The following SLC25A26 variants were observed in gnomAD, a reference collection of about 807,000 sequenced individuals.
The protein encoded by SLC25A26 is mitochondrial S-adenosylmethionine carrier protein.
SLC25A26 carries 36 observed loss-of-function variants against 37.8 expected under a neutral mutation model. The ratio of observed to expected loss-of-function variants is 0.95; its 90% CI spans 0.73 to 1.26. SLC25A26 has a LOEUF of 1.26. SLC25A26 is among the 50% of genes most tolerant of loss of function. The pLI is 0.00. For synonymous variants in SLC25A26, 129 were observed against 122.5 expected (o/e 1.05, Z -0.35); for missense variants, 390 against 331.1 (o/e 1.18, Z -1.38).
chr3:66,285,008 A>G (rs1156564474), intron 5 of SLC25A26, among the ~76,000 whole-genome samples: 1 of 152,196 alleles, frequency 6.6e-6, no homozygotes, highest in East Asian at 1.9e-4. Context: ...AAATACCACA[A>G]TTAAGGATAG....
intron 5 of SLC25A26, among the ~76,000 whole-genome samples, chr3:66,283,260 A>G (rs2074405085): frequency 2.6e-5 from 4 of 152,104 alleles, no homozygotes; most frequent in Admixed American, 2.6e-4. Context: ...ATTTAGCTTT[A>G]TTAGAAACTG....
intron 9 of SLC25A26, among the ~76,000 whole-genome samples, chr3:66,375,127 A>C (rs1700572892): frequency 6.6e-6 from 1 of 152,232 alleles, no homozygotes. Context: ...ACCGGCCACA[A>C]CATCCCCTTA....
At chr3:66,301,729 A>T (rs957764292) in intron 5 of SLC25A26, among the ~76,000 whole-genome samples, 1 of 152,208 alleles carries the variant, frequency 6.6e-6, no homozygotes, top group Non-Finnish European at 1.5e-5. Flanking sequence ...AACACATTTT[A>T]TATGTAGTTA....
intron 7 of SLC25A26, among the ~76,000 whole-genome samples, chr3:66,369,082 G>T (rs1700201917): frequency 7.3e-6 from 1 of 137,842 alleles, no homozygotes; most frequent in Non-Finnish European, 1.5e-5. Context: ...GTGGCCTATA[G>T]AAAGTCATGA....
At chr3:66,171,770 G>A (rs1275189970) in intron 1 of SLC25A26, among the ~76,000 whole-genome samples, 14 of 152,264 alleles carry the variant, frequency 9.2e-5, no homozygotes, top group Admixed American at 4.6e-4. Context: ...GATTACAGGC[G>A]TGAGCCACTG....
chr3:66,370,073 A>G (rs900839086), intron 8 of SLC25A26, among the ~76,000 whole-genome samples: 2 of 152,244 alleles, frequency 1.3e-5, no homozygotes, highest in African/African-American at 2.4e-5. Context: ...AGAACAAATA[A>G]TGGGCCAAAT....
chr3:66,361,043 A>G (rs1306190419), intron 6 of SLC25A26, among the ~76,000 whole-genome samples: 2 of 152,252 alleles, frequency 1.3e-5, no homozygotes, highest in Admixed American at 6.5e-5. Context: ...TGATATCAAG[A>G]TAGGCCTATA....
intron 3 of SLC25A26, among the ~76,000 whole-genome samples, chr3:66,250,400 C>CT (rs2073036018): frequency 6.6e-6 from 1 of 152,226 alleles, no homozygotes; most frequent in South Asian, 2.1e-4. Context: ...CGGTCCGTGA[C>CT]TTACGATGGT....
chr3:66,193,557 C>T (rs1265103330), intron 1 of SLC25A26, among the ~76,000 whole-genome samples: 13 of 151,726 alleles, frequency 8.6e-5, no homozygotes, highest in Admixed American at 8.5e-4. Flanking sequence ...TGGCAGCTCA[C>T]AAATAAATAA....
intron 3 of SLC25A26, among the ~76,000 whole-genome samples, chr3:66,258,409 T>G (rs547740474): frequency 2.6e-5 from 4 of 152,282 alleles, no homozygotes; most frequent in African/African-American, 9.6e-5. Context: ...AGTTCTGGAC[T>G]AAAATTTGAA....
intron 9 of SLC25A26, among the ~76,000 whole-genome samples, 165 bp from the exon 10 acceptor site, chr3:66,377,525 C>T (rs1264709353): frequency 6.6e-6 from 1 of 151,898 alleles, no homozygotes; most frequent in Non-Finnish European, 1.5e-5. Flanking sequence ...TTTAGAACTA[C>T]TGTTGGGACA....
chr3:66,183,201 C>A (rs1173307376), intron 1 of SLC25A26, among the ~76,000 whole-genome samples: 1 of 151,944 alleles, frequency 6.6e-6, no homozygotes, highest in Admixed American at 6.6e-5. Flanking sequence ...TGACCCTGAC[C>A]CTGATTTTGA....
intron 6 of SLC25A26, among the ~76,000 whole-genome samples, chr3:66,360,936 G>A (rs1007493866): frequency 9.9e-5 from 15 of 152,176 alleles, no homozygotes; most frequent in Non-Finnish European, 1.5e-5. Context: ...AAAATATTTA[G>A]AATAGGTAGA....
At chr3:66,367,687 G>C (rs1215163632) in intron 7 of SLC25A26, among the ~76,000 whole-genome samples, 2 of 144,600 alleles carry the variant, frequency 1.4e-5, no homozygotes, top group African/African-American at 2.9e-5. Flanking sequence ...TAGATAGACA[G>C]ACAGACAGAC....
chr3:66,194,780 T>C (rs2071014071), intron 1 of SLC25A26, among the ~76,000 whole-genome samples: 1 of 152,310 alleles, frequency 6.6e-6, no homozygotes, highest in South Asian at 2.1e-4. Context: ...TTTGTATTTT[T>C]AGTAGAGACG....
chr3:66,190,923 CA>C (rs2070930095), intron 1 of SLC25A26, among the ~76,000 whole-genome samples: 1 of 152,140 alleles, frequency 6.6e-6, no homozygotes, highest in African/African-American at 2.4e-5. Flanking sequence ...AAATTGTAAT[CA>C]AGATGAATAT....
At chr3:66,231,288 G>T (rs908315571) in intron 1 of SLC25A26, among the ~76,000 whole-genome samples, 1 of 152,144 alleles carries the variant, frequency 6.6e-6, no homozygotes, top group East Asian at 1.9e-4. Flanking sequence ...GGTAGCTTAG[G>T]GTCAGTAGGT....
At chr3:66,256,282 T>C (rs996917349) in intron 3 of SLC25A26, among the ~76,000 whole-genome samples, 2 of 152,210 alleles carry the variant, frequency 1.3e-5, no homozygotes, top group African/African-American at 4.8e-5. Flanking sequence ...GTAAGCTGTT[T>C]AATCTGTTTT....
chr3:66,219,572 G>A (rs906260955), upstream of SLC25A26, among the ~76,000 whole-genome samples: 3 of 152,144 alleles, frequency 2.0e-5, no homozygotes, highest in African/African-American at 7.2e-5. Flanking sequence ...CTTAGGGAAA[G>A]GTATTCTGGG....
Sources: allele counts gnomAD v4.1 joint callset (sites outside exome capture counted in the v4.1 genomes callset), GRCh38; gene constraint gnomAD v4.1.1; transcripts MANE v1.5; gene names NCBI Gene and HGNC (gene_info 2026-07-23, HGNC 2026-07-21).